The following COMT variants were observed in gnomAD, a reference collection of about 807,000 sequenced individuals.
COMT encodes catechol-O-methyltransferase, also known as catechol O-methyltransferase.
In COMT, 13 loss-of-function variants were observed where a neutral mutation model predicts 18.9. The ratio of observed to expected loss-of-function variants is 0.69; its 90% CI spans 0.45 to 1.09. COMT has a LOEUF of 1.09. Among genes scored for constraint, COMT ranks in the 50% least tolerant of loss-of-function variants. The pLI is 0.00. For synonymous variants in COMT, 150 were observed against 160.9 expected (o/e 0.93, Z 0.51); for missense variants, 329 against 361.8 (o/e 0.91, Z 0.73).
chr22:19,959,635 T>C (rs1192257814), intron 1 of COMT, among the ~76,000 whole-genome samples: 1 of 152,220 alleles, frequency 6.6e-6, no homozygotes, highest in Non-Finnish European at 1.5e-5. Flanking sequence ...CCAGTCCCTC[T>C]GCTCAGGGCT....
intron 1 of COMT, among the ~76,000 whole-genome samples, chr22:19,943,446 C>T (rs1296365863): frequency 2.0e-5 from 3 of 152,024 alleles, no homozygotes; most frequent in African/African-American, 4.8e-5. Flanking sequence ...GAGTTTGAAA[C>T]AAGCCTGGGC....
chr22:19,964,591 C>G (rs990562044), intron 5 of COMT: 2 of 610,142 alleles, frequency 3.3e-6, no homozygotes, highest in African/African-American at 3.7e-5. Context: ...CACCCCAGAC[C>G]AGACACCAGG....
chr22:19,953,099 C>T (rs1002701828), intron 1 of COMT, among the ~76,000 whole-genome samples: 4 of 152,104 alleles, frequency 2.6e-5, no homozygotes, highest in African/African-American at 9.7e-5. Context: ...GGAGCCTGGC[C>T]GGAGTGTGAT....
intron 5 of COMT, among the ~76,000 whole-genome samples, chr22:19,966,581 A>T (rs1266277571): frequency 1.3e-5 from 2 of 151,580 alleles, no homozygotes; most frequent in Non-Finnish European, 2.9e-5. Flanking sequence ...GCTAGGACTA[A>T]AGGCATGCAC....
intron 1 of COMT, among the ~76,000 whole-genome samples, chr22:19,958,017 T>A (rs1449389333): frequency 2.6e-5 from 4 of 152,190 alleles, no homozygotes; most frequent in Non-Finnish European, 5.9e-5. Flanking sequence ...GGTACGAGTA[T>A]CTGGTTTAGT....
chr22:19,961,883 T>C (rs900644849), intron 2 of COMT: 2 of 154,740 alleles, frequency 1.3e-5, no homozygotes, highest in African/African-American at 4.8e-5. Flanking sequence ...AGGTACACTG[T>C]TGTGGGCGGC....
intron 5 of COMT, chr22:19,965,699 A>T (rs1035965608): frequency 2.6e-5 from 4 of 152,330 alleles, no homozygotes; most frequent in African/African-American, 9.6e-5. Context: ...GATCCCTGTC[A>T]GCCTTGTGGA....
chr22:19,965,181 G>A, intron 5 of COMT: 1 of 155,022 alleles, frequency 6.5e-6, no homozygotes, highest in Non-Finnish European at 1.4e-5. Flanking sequence ...GGGAGTCAGG[G>A]CACACAGGAC....
chr22:19,943,640 T>TA (rs879376249), intron 1 of COMT, among the ~76,000 whole-genome samples: 97 of 143,400 alleles, frequency 6.8e-4, no homozygotes, highest in Admixed American at 9.6e-4. Context: ...CCCCTATCTT[T>TA]AAAAAAAAAA....
At chr22:19,960,328 A>G (rs752426802) in intron 1 of COMT, among the ~76,000 whole-genome samples, 42 of 152,248 alleles carry the variant, frequency 2.8e-4, no homozygotes, top group Non-Finnish European at 5.4e-4. Context: ...TTATAGATAA[A>G]CCATAGCAGA....
chr22:19,968,049 C>A (rs1342890435), intron 5 of COMT, among the ~76,000 whole-genome samples: 1 of 152,182 alleles, frequency 6.6e-6, no homozygotes, highest in African/African-American at 2.4e-5. Flanking sequence ...AGAACTGACC[C>A]CAAGGGGCAG....
chr22:19,958,431 C>T (rs1942113101), intron 1 of COMT, among the ~76,000 whole-genome samples: 1 of 151,974 alleles, frequency 6.6e-6, no homozygotes, highest in Admixed American at 6.6e-5. Flanking sequence ...TCCCAAAGTG[C>T]TGGAATTACA....
At position 19,968,744 on chromosome 22, in the gene COMT, C is replaced by CA. The variant is rs752735911; in HGVS notation, c.*8_*9insA. 22 of 1,608,582 alleles carry CA rather than the reference C, an allele frequency of 1.4e-5. No homozygotes were observed. In the East Asian group the frequency reaches 2.2e-4, roughly 16 times the overall value. ...AGCGAAGCAGGGCCCTGACTGCCCCCCCGGCCCCCCTCTCGGGCTCTCTCA... is the reference window on the plus strand; with the variant it reads ...AGCGAAGCAGGGCCCTGACTGCCCCCACCGGCCCCCCTCTCGGGCTCTCTCA... On this transcript the variant is annotated 3_prime_UTR_variant, in exon 6 of 6. Coordinates refer to ENST00000361682, the MANE Select transcript of COMT (RefSeq NM_000754.4).
chr22:19,946,910 GTTTTT>G (rs35689277), intron 1 of COMT, among the ~76,000 whole-genome samples: 2 of 117,120 alleles, frequency 1.7e-5, no homozygotes, highest in Non-Finnish European at 3.4e-5. Context: ...TTTTTTTTTA[GTTTTT>G]TTTTTTTTTT....
chr22:19,964,453 C>T (rs1942288644), intron 5 of COMT, 154 bp downstream of exon 5: 4 of 1,119,890 alleles, frequency 3.6e-6, no homozygotes, highest in African/African-American at 1.5e-5. Flanking sequence ...GTGTGGGGGA[C>T]TGAGGAGGCC....
chr22:19,956,074 A>G (rs1397315897), intron 1 of COMT, among the ~76,000 whole-genome samples: 1 of 151,534 alleles, frequency 6.6e-6, no homozygotes, highest in Non-Finnish European at 1.5e-5. Flanking sequence ...GATGGACCCC[A>G]GATCTTTGCA....
At position 19,962,749 on chromosome 22, in the gene COMT, G is replaced by A. The variant is rs999200429; in HGVS notation, c.223G>A (p.Val75Met). 35 of 1,613,278 alleles carry A rather than the reference G, an allele frequency of 2.2e-5. No homozygotes were observed. The highest frequency in any genetic ancestry group is 6.7e-5 in the African/African-American group (5 of 74,928). ...TGCGGAGCCCGGGAACGCACAGAGC[G>A]TGCTGGAGGCCATTGACACCTACTG... The part of the protein sequence containing the change: ...QHAEPGNAQS[V>M]LEAIDTYCEQ... Residue 75 changes from valine to methionine, a missense_variant, in exon 3 of 6, where the codon GTG becomes ATG. Val to Met is a conservative substitution (Grantham distance 21, BLOSUM62 1). Transcript: ENST00000361682.
At chr22:19,952,455 T>A (rs538956501) in intron 1 of COMT, among the ~76,000 whole-genome samples, 1 of 151,668 alleles carries the variant, frequency 6.6e-6, no homozygotes, top group Admixed American at 6.6e-5. Context: ...CTGGCTAACA[T>A]GGTGAAACCC....
chr22:19,962,467 G>C (rs1460011386), intron 2 of COMT, 60 bp from the exon 3 acceptor site: 1 of 1,550,428 alleles, frequency 6.4e-7, no homozygotes, highest in Non-Finnish European at 8.7e-7. Context: ...AAGCAAAGGG[G>C]CGTGTGGGTG....
Sources: allele counts gnomAD v4.1 joint callset (sites outside exome capture counted in the v4.1 genomes callset), GRCh38; gene constraint gnomAD v4.1.1; transcripts MANE v1.5; gene names NCBI Gene and HGNC (gene_info 2026-07-23, HGNC 2026-07-21).